The following GSDME variants were observed in gnomAD, a reference collection of about 807,000 sequenced individuals.
The protein encoded by GSDME is gasdermin-E.
Under a neutral mutation model 47.5 loss-of-function variants are expected in GSDME, and 44 were observed. The ratio of observed to expected loss-of-function variants is 0.93; its 90% CI spans 0.73 to 1.19. The LOEUF (loss-of-function observed/expected upper bound fraction) is 1.19. Ranked by LOEUF, GSDME falls within the 50% of genes most tolerant of loss-of-function variation. The pLI, the probability that GSDME is intolerant of heterozygous loss-of-function variation, is 0.00. For synonymous variants in GSDME, 258 were observed against 252.8 expected (o/e 1.02, Z -0.20); for missense variants, 663 against 604.2 (o/e 1.10, Z -1.02).
chr7:24,773,042 C>A, the GSDME span, among the ~76,000 whole-genome samples: 4 of 152,160 alleles, frequency 2.6e-5, no homozygotes, highest in Admixed American at 2.6e-4. The surrounding 1 kb of genome is among the most constrained non-coding windows in gnomAD (Gnocchi z 5.4). Context: ...TACAGAATAC[C>A]ATGCTCTTAA....
chr7:24,717,517 G>A lies in GSDME; in HGVS notation c.577-143C>T, dbSNP rs544822594. On this transcript the variant is annotated intron_variant, in intron 4 of 9. Transcript: ENST00000645220. ...CCGAGTGGAACAGAGGAGCCAGCCA[G>A]CATGGGGGATGGGGGGATTCAATCC... 6.0e-6 allele frequency: 8 copies of A among 1,335,082 alleles called. No homozygotes were observed. In the South Asian group the frequency reaches 8.8e-5, roughly 15 times the overall value. The allele number at this position is 1,335,082 out of a possible 1,614,324, so 82.7% of individuals were successfully genotyped here. A position where few individuals can be genotyped will look rare whatever the true frequency, so the allele number is the denominator to read the frequency against.
At chr7:24,790,828 A>G in the GSDME span, among the ~76,000 whole-genome samples, 2 of 152,192 alleles carry the variant, frequency 1.3e-5, no homozygotes, top group Admixed American at 6.5e-5. The surrounding 1 kb of genome is among the most constrained non-coding windows in gnomAD (Gnocchi z 4.1). Context: ...CACATTTATA[A>G]TAACTATAGA....
Position 24,756,402 on chromosome 7 carries a change from G to A in GSDME, c.-20+994C>T, listed in dbSNP as rs58643174. 0.014 allele frequency among the ~76,000 whole-genome samples: 2,066 copies of A among 152,246 alleles called. 59 individuals are homozygous for A. Among genetic ancestry groups the A allele is most frequent in the African/African-American group, 0.048 (1,973 of 41,532 alleles). ...CTAGCCAAGGGACCGTGGCTAGGGG[G>A]TTGGGCCCTTTCTCTCTCAGATCTA... On this transcript the variant is annotated intron_variant, in intron 1 of 9. Transcript: ENST00000645220. This position sits in a 1 kb window ranked among gnomAD's most constrained non-coding sequence, Gnocchi z 4.2.
the GSDME span, among the ~76,000 whole-genome samples, chr7:24,792,657 T>TC: frequency 6.6e-6 from 1 of 152,214 alleles, no homozygotes; most frequent in Non-Finnish European, 1.5e-5. Context: ...GGTAGGGTTT[T>TC]CCCCTGGGAC....
At chr7:24,738,476 C>CA (rs1223653119) in intron 3 of GSDME, among the ~76,000 whole-genome samples, 1 of 152,002 alleles carries the variant, frequency 6.6e-6, no homozygotes, top group Non-Finnish European at 1.5e-5. Flanking sequence ...GAAGAGGACA[C>CA]AAAAAACATG....
In GSDME at chr7:24,714,744, AC is replaced by A. The variant is rs1789482379; in HGVS notation, c.697+2509del. On this transcript the variant is annotated intron_variant, in intron 5 of 9. Transcript: ENST00000645220. The surrounding 1 kb of genome is among the most constrained non-coding windows in gnomAD (Gnocchi z 5.0). ...CATCTGAGAAAGAGAGGCTACCTCC[AC>A]AGAGCTGCGTCAGGGCAGGGTCTGG... is the stretch of plus-strand genomic sequence containing the variant. Among the ~76,000 whole-genome samples the A allele has an allele frequency of 6.6e-6, 1 of 152,232 alleles. No individual in the cohort carries two copies. The highest frequency in any genetic ancestry group is 2.4e-5 in the African/African-American group (1 of 41,476).
chr7:24,784,660 G>C, the GSDME span, among the ~76,000 whole-genome samples: 24 of 131,204 alleles, frequency 1.8e-4, no homozygotes, highest in Admixed American at 1.4e-3. Context: ...ACAGAGTCTC[G>C]GCAATTCTCT....
In GSDME at chr7:24,745,223, C is replaced by G. The variant is rs1201355324; in HGVS notation, c.212-469G>C. ...AATGTGTACTTTTCCAGGGTGAAGA[C>G]TGAAAGGGACTAGACAAAGAAGACA... On this transcript the variant is annotated intron_variant, in intron 2 of 9. Transcript: ENST00000645220. The surrounding 1 kb of genome is among the most constrained non-coding windows in gnomAD (Gnocchi z 4.4). Among the ~76,000 whole-genome samples the G allele has an allele frequency of 6.6e-6, 1 of 152,156 alleles. No homozygotes were observed. The highest frequency in any genetic ancestry group is 6.5e-5 in the Admixed American group (1 of 15,282).
intron 5 of GSDME, among the ~76,000 whole-genome samples, chr7:24,713,584 C>T (rs988017361): frequency 6.6e-6 from 1 of 152,162 alleles, no homozygotes; most frequent in Non-Finnish European, 1.5e-5. Context: ...GTGTGCCATG[C>T]CCCAGACCTC....
rs2128048757 is a variant in GSDME at position 24,708,143 on chromosome 7, A to G, written c.974T>C (p.Met325Thr). Residue 325 changes from methionine to threonine, a missense_variant, in exon 7 of 10, where the codon ATG becomes ACG. By Grantham distance (81) the Met-to-Thr change is moderately conservative. Transcript: ENST00000645220. ...QAVLFDDELL[M>T]VLEPVCDDLV... The stretch of plus-strand genomic sequence containing the variant: ...AGGGCTCACCACTGGTTCCAGGACC[A>G]TGAGTAGTTCATCATCAAATAGGAC... The G allele has an allele frequency of 3.1e-6, 5 of 1,614,192 alleles. No individual in the cohort carries two copies. Among genetic ancestry groups the G allele is most frequent in the Admixed American group, 3.3e-5 (2 of 60,028 alleles).
At chr7:24,741,613 A>G (rs1790494661) in intron 3 of GSDME, among the ~76,000 whole-genome samples, 1 of 152,232 alleles carries the variant, frequency 6.6e-6, no homozygotes, top group Non-Finnish European at 1.5e-5. Flanking sequence ...GAGGCCTAAA[A>G]TAACTTGTCT....
chr7:24,709,770 G>A (rs1293021908), intron 6 of GSDME, among the ~76,000 whole-genome samples: 1 of 152,146 alleles, frequency 6.6e-6, no homozygotes, highest in Non-Finnish European at 1.5e-5. Context: ...CATGCCATGT[G>A]GATAAAGAGC....
chr7:24,707,004 G>A (rs1301395672), intron 7 of GSDME, among the ~76,000 whole-genome samples: 2 of 152,174 alleles, frequency 1.3e-5, no homozygotes, highest in East Asian at 1.9e-4. Context: ...TTTTCCTCTT[G>A]GAAGAAGTTA....
At chr7:24,759,692 C>T (rs554931376), upstream of GSDME, among the ~76,000 whole-genome samples, 38 of 152,214 alleles carry the variant, frequency 2.5e-4, no homozygotes, top group African/African-American at 8.9e-4. Context: ...GGTAGACTCT[C>T]CAGAACAGAA....
chr7:24,764,687 G>A, the GSDME span, among the ~76,000 whole-genome samples: 4 of 152,154 alleles, frequency 2.6e-5, no homozygotes, highest in African/African-American at 4.8e-5. The surrounding 1 kb of genome is among the most constrained non-coding windows in gnomAD (Gnocchi z 4.4). Flanking sequence ...CAAATGCTAC[G>A]TTTGAGTTCC....
chr7:24,761,328 C>A (rs753056834), upstream of GSDME, among the ~76,000 whole-genome samples: 8 of 152,222 alleles, frequency 5.3e-5, no homozygotes, highest in Non-Finnish European at 8.8e-5. The surrounding 1 kb of genome is among the most constrained non-coding windows in gnomAD (Gnocchi z 4.4). Flanking sequence ...CTTTATTTCT[C>A]ACAGTTCTGG....
the GSDME span, among the ~76,000 whole-genome samples, chr7:24,780,068 G>A: frequency 6.6e-6 from 1 of 152,380 alleles, no homozygotes; most frequent in Admixed American, 6.5e-5. The surrounding 1 kb of genome is among the most constrained non-coding windows in gnomAD (Gnocchi z 4.1). Flanking sequence ...GAGAATTAAA[G>A]TTCTGCTAAT....
Position 24,702,755 on chromosome 7 carries a change from CTTA to C in GSDME, c.1257+2_1257+4del. On this transcript the variant is annotated splice_donor_variant and splice_donor_region_variant and intron_variant, in intron 9 of 9. Coordinates refer to ENST00000645220, the MANE Select transcript of GSDME (RefSeq NM_001127453.2). LOFTEE classifies it high-confidence loss of function. The stretch of plus-strand genomic sequence containing the variant: ...TTCTAAGGTCCCACCTGGGAGGTTG[CTTA>C]CCAAGTGGCACAGTGTGGGAATGAT... 6.2e-7 allele frequency: 1 copy of C among 1,612,914 alleles called. No homozygotes were observed. The highest frequency in any genetic ancestry group is 8.5e-7 in the Non-Finnish European group (1 of 1,179,202).
rs1439206171 is a variant in GSDME at position 24,728,015 on chromosome 7, G to C, written c.405-8797C>G. On this transcript the variant is annotated intron_variant, in intron 3 of 9. Coordinates refer to ENST00000645220, the MANE Select transcript of GSDME (RefSeq NM_001127453.2). The surrounding 1 kb of genome is among the most constrained non-coding windows in gnomAD (Gnocchi z 7.2). Reference sequence around the variant, plus strand: ...TCCCCAGCACTGTTCGGGAGCTAGGGGGGCTGTAACGGGAGGAAGAGACAG... The same window carrying C: ...TCCCCAGCACTGTTCGGGAGCTAGGCGGGCTGTAACGGGAGGAAGAGACAG... 2.0e-5 allele frequency among the ~76,000 whole-genome samples: 3 copies of C among 152,174 alleles called. No individual in the cohort carries two copies. Among genetic ancestry groups the C allele is most frequent in the Non-Finnish European group, 4.4e-5 (3 of 68,026 alleles).
Sources: allele counts gnomAD v4.1 joint callset (sites outside exome capture counted in the v4.1 genomes callset), GRCh38; gene constraint gnomAD v4.1.1; non-coding constraint Gnocchi (gnomAD v3.1); transcripts MANE v1.5; gene names NCBI Gene and HGNC (gene_info 2026-07-23, HGNC 2026-07-21).